SLC8A2: variants seen among roughly 807,000 people sequenced by gnomAD.
SLC8A2 encodes the protein solute carrier family 8 member A2.
In SLC8A2, 14 loss-of-function variants were observed where a neutral mutation model predicts 70.2. That is an observed-to-expected ratio of 0.20 (90% CI 0.13 to 0.31). SLC8A2 has a LOEUF of 0.31. Ranked by LOEUF, SLC8A2 falls within the 10% of genes least tolerant of loss-of-function variation. The pLI is 1.00. For missense variants in SLC8A2, 779 were observed against 1,320.1 expected (o/e 0.59, Z 6.35); for synonymous variants, 575 against 594.3 (o/e 0.97, Z 0.47).
chr19:47,469,861 G>T lies in SLC8A2; in HGVS notation c.-17+1928C>A, dbSNP rs573624945. On this transcript the variant is annotated intron_variant, in intron 1 of 9. Transcript: ENST00000236877. ...GGGCCATCTCTCCCTCCCTTCGTGG[G>T]CGTGCGGCCAGCTGGGTCGGCAGTG... is the stretch of plus-strand genomic sequence containing the variant. Among the ~76,000 whole-genome samples, 9 of 152,350 alleles carry T rather than the reference G, an allele frequency of 5.9e-5. No homozygotes were observed. In the South Asian group the frequency reaches 1.9e-3, roughly 32 times the overall value.
At chr19:47,438,111 C>T in intron 6 of SLC8A2, 138 bp from the exon 7 acceptor site, 1 of 1,014,848 alleles carries the variant, frequency 9.9e-7, no homozygotes, top group South Asian at 1.6e-5. Context: ...TCCTCCCAGC[C>T]TCCCACCTGA....
At chr19:47,453,166 G>A (rs1967265034) in intron 3 of SLC8A2, among the ~76,000 whole-genome samples, 1 of 152,214 alleles carries the variant, frequency 6.6e-6, no homozygotes, top group South Asian at 2.1e-4. Context: ...CAGAGATCAC[G>A]TTTAGTTTGG....
chr19:47,466,562 A>T lies in SLC8A2; in HGVS notation c.-16-143T>A. The T allele has an allele frequency of 3.7e-6, 2 of 537,100 alleles. No homozygotes were observed. The highest frequency in any genetic ancestry group is 6.5e-6 in the Non-Finnish European group (2 of 307,156). The allele number at this position is 537,100 out of a possible 1,614,324, so 33.3% of individuals were successfully genotyped here. A position where few individuals can be genotyped will look rare whatever the true frequency, so the allele number is the denominator to read the frequency against. ...GATGGGGACTGAGGGCGACAGAGACACAGAGAGTGACAGACAGAGACCCAC... is the reference window on the plus strand; with the variant it reads ...GATGGGGACTGAGGGCGACAGAGACTCAGAGAGTGACAGACAGAGACCCAC... On this transcript the variant is annotated intron_variant, in intron 1 of 9. Transcript: ENST00000236877. This position sits in a 1 kb window ranked among gnomAD's most constrained non-coding sequence, Gnocchi z 6.9.
intron 4 of SLC8A2, among the ~76,000 whole-genome samples, chr19:47,443,967 C>T (rs1967129011): frequency 6.6e-6 from 1 of 152,078 alleles, no homozygotes; most frequent in Non-Finnish European, 1.5e-5. Context: ...ATAATCATGG[C>T]TCACTGCAGC....
chr19:47,464,236 C>T (rs993791910), intron 2 of SLC8A2, among the ~76,000 whole-genome samples: 1 of 152,100 alleles, frequency 6.6e-6, no homozygotes, highest in Non-Finnish European at 1.5e-5. Context: ...TTCAGCCTCC[C>T]GAGTAGCTGG....
Position 47,465,717 on chromosome 19 carries a change from G to A in SLC8A2, c.675+12C>T, listed in dbSNP as rs566374802. 165 of 1,597,820 alleles carry A rather than the reference G, an allele frequency of 1.0e-4. 2 individuals are homozygous for A. The South Asian group carries it at 1.5e-3, about 15-fold the overall frequency. The stretch of plus-strand genomic sequence containing the variant: ...ACATGCACCAAGAAAGCATCTATGC[G>A]TCTTTGCTCACCTGGACCACACCGG... On this transcript the variant is annotated intron_variant, in intron 2 of 9. Coordinates refer to ENST00000236877, the MANE Select transcript of SLC8A2 (RefSeq NM_015063.3). This position sits in a 1 kb window ranked among gnomAD's most constrained non-coding sequence, Gnocchi z 5.5.
At chr19:47,446,828 C>A (rs753824823) in intron 4 of SLC8A2, among the ~76,000 whole-genome samples, 6 of 145,130 alleles carry the variant, frequency 4.1e-5, no homozygotes, top group Non-Finnish European at 7.7e-5. Flanking sequence ...GTGTTGACCA[C>A]CACGCCTGGC....
Position 47,468,320 on chromosome 19 carries a change from G to A in SLC8A2, c.-16-1901C>T, listed in dbSNP as rs1199057835. Among the ~76,000 whole-genome samples the A allele has an allele frequency of 3.9e-5, 6 of 152,024 alleles. No individual in the cohort carries two copies. The highest frequency in any genetic ancestry group is 1.9e-4 in the East Asian group (1 of 5,184). ...TTCTCTATTTATGTATTTTTGAGAC[G>A]GGATCTCACTCTGCCACCCAGGCTG... On this transcript the variant is annotated intron_variant, in intron 1 of 9. Transcript: ENST00000236877. This position sits in a 1 kb window ranked among gnomAD's most constrained non-coding sequence, Gnocchi z 5.1.
chr19:47,446,474 G>C (rs765866614), intron 4 of SLC8A2, among the ~76,000 whole-genome samples: 6 of 152,268 alleles, frequency 3.9e-5, no homozygotes, highest in Non-Finnish European at 5.9e-5. Flanking sequence ...TGTCGCCCAG[G>C]CTGGAGTGCA....
intron 3 of SLC8A2, among the ~76,000 whole-genome samples, chr19:47,453,141 G>A (rs950432632): frequency 1.3e-5 from 2 of 152,228 alleles, no homozygotes; most frequent in African/African-American, 4.8e-5. Flanking sequence ...GAAAAACTGT[G>A]CTGTTTAGGG....
chr19:47,464,466 T>A (rs1486167040), intron 2 of SLC8A2, among the ~76,000 whole-genome samples: 1 of 152,158 alleles, frequency 6.6e-6, no homozygotes. Context: ...AACAGCACCT[T>A]AAACTGTACG....
chr19:47,466,396 G>A lies in SLC8A2; in HGVS notation c.8C>T (p.Pro3Leu). MA[P>L]LALVGVTLLL... ...GAGTGTGACCCCCACCAAGGCCAGG[G>A]GAGCCATGGGGGGTGGTGGGGTCCT... The change falls in exon 2 of 10, where the codon CCC becomes CTC. Residue 3 changes from proline to leucine, a missense_variant. This residue lies in a region of SLC8A2 where 65 missense variants were observed against 61.3 expected (regional missense o/e 1.06). Transcript: ENST00000236877. This position sits in a 1 kb window ranked among gnomAD's most constrained non-coding sequence, Gnocchi z 6.9. 1.4e-6 allele frequency: 2 copies of A among 1,405,442 alleles called. No homozygotes were observed. Among genetic ancestry groups the A allele is most frequent in the East Asian group, 2.5e-5 (1 of 39,894 alleles). 87.1% of individuals were successfully genotyped at this position (1,405,442 alleles called of 1,614,324 possible).
chr19:47,437,928 C>T lies in SLC8A2; in HGVS notation c.1931G>A (p.Arg644Lys). ...KLTAEEEEAR[R>K]IAEMGKPVLG... ...AACTGGCTTGCCCATCTCTGCTATC[C>T]TCCGAGCCTCCTCCTCCTCGGCTGT... is the stretch of plus-strand genomic sequence containing the variant. The change falls in exon 7 of 10, where the codon AGG (arginine) becomes AAG (lysine). Residue 644 changes from arginine to lysine, a missense_variant. Coordinates refer to ENST00000236877, the MANE Select transcript of SLC8A2 (RefSeq NM_015063.3). The T allele has an allele frequency of 6.2e-7, 1 of 1,614,134 alleles. No homozygotes were observed. Among genetic ancestry groups the T allele is most frequent in the Non-Finnish European group, 8.5e-7 (1 of 1,180,012 alleles).
chr19:47,432,536 C>A lies in SLC8A2; in HGVS notation c.2111-91G>T. The A allele has an allele frequency of 7.8e-7, 1 of 1,281,854 alleles. No individual in the cohort carries two copies. The highest frequency in any genetic ancestry group is 1.5e-5 in the South Asian group (1 of 68,880). The allele number at this position is 1,281,854 out of a possible 1,614,324, so 79.4% of individuals were successfully genotyped here. ...TTTGTCTAACTTCCTGACAGCAAGT[C>A]CCATTGAATGAACTTCTTTCCCAGA... On this transcript the variant is annotated intron_variant, in intron 8 of 9. Coordinates refer to ENST00000236877, the MANE Select transcript of SLC8A2 (RefSeq NM_015063.3). This position sits in a 1 kb window ranked among gnomAD's most constrained non-coding sequence, Gnocchi z 6.2.
chr19:47,471,343 G>A (rs1967536596), intron 1 of SLC8A2, among the ~76,000 whole-genome samples: 1 of 152,012 alleles, frequency 6.6e-6, no homozygotes, highest in African/African-American at 2.4e-5. Flanking sequence ...AACAGACCCC[G>A]GCACAGAGAC....
Position 47,457,478 on chromosome 19 carries a change from T to C in SLC8A2, c.792A>G (p.Pro264=). 6.2e-7 allele frequency: 1 copy of C among 1,609,912 alleles called. No individual in the cohort carries two copies. Among genetic ancestry groups the C allele is most frequent in the Non-Finnish European group, 8.5e-7 (1 of 1,178,732 alleles). The part of the protein sequence containing the change: ...KYVYKRYRTD[P]RSGIIIGAEG... ...CGGCGCCTATGATGATGCCGCTGCG[T>C]GGGTCGGTGCGGTAGCGCTTGTACA... Residue 264 remains proline (P), a synonymous_variant, in exon 3 of 10, where the codon CCA becomes CCG. Transcript: ENST00000236877.
Position 47,452,421 on chromosome 19 carries a change from AGAGAGAGAGAGAGAGAGAGAGAGAGT to A in SLC8A2, c.1341-4216_1341-4191del, listed in dbSNP as rs1266487871. The stretch of plus-strand genomic sequence containing the variant: ...TGGAGAGAGAGAGAGAGAGAGAGAG[AGAGAGAGAGAGAGAGAGAGAGAGAGT>A]GTGTGTGTGTGTGTGTGTGTGTGTG... On this transcript the variant is annotated intron_variant, in intron 3 of 9. Transcript: ENST00000236877. 1.0e-4 allele frequency among the ~76,000 whole-genome samples: 12 copies of A among 117,430 alleles called. No individual in the cohort carries two copies. The South Asian group carries it at 1.2e-3, about 12-fold the overall frequency. The allele number at this position is 117,430 out of a possible 152,430, so 77.0% of individuals were successfully genotyped here.
chr19:47,433,387 A>G (rs1184067872), intron 8 of SLC8A2, among the ~76,000 whole-genome samples: 1 of 152,078 alleles, frequency 6.6e-6, no homozygotes, highest in Non-Finnish European at 1.5e-5. Context: ...AGATAAAAAT[A>G]TGGTATTCAC....
rs1019931042 is a variant in SLC8A2, at chr19:47,447,521, T to G, written c.1763+288A>C. Reference sequence around the variant, plus strand: ...GCCCACGTGGTAGACACAGCACACCTAGGCCCCGCCCCTCCCGAGGCCAAG... The same window carrying G: ...GCCCACGTGGTAGACACAGCACACCGAGGCCCCGCCCCTCCCGAGGCCAAG... On this transcript the variant is annotated intron_variant, in intron 4 of 9. Coordinates refer to ENST00000236877, the MANE Select transcript of SLC8A2 (RefSeq NM_015063.3). The surrounding 1 kb of genome is among the most constrained non-coding windows in gnomAD (Gnocchi z 5.1). 16 of 460,388 alleles carry G rather than the reference T, an allele frequency of 3.5e-5. No individual in the cohort carries two copies. In the East Asian group the frequency reaches 6.7e-4, roughly 19 times the overall value. 28.5% of individuals were successfully genotyped at this position (460,388 alleles called of 1,614,324 possible). A position where few individuals can be genotyped will look rare whatever the true frequency, so the allele number is the denominator to read the frequency against.
Sources: gnomAD v4.1 joint callset for allele counts (sites outside exome capture counted in the v4.1 genomes callset) on GRCh38, gnomAD v4.1.1 for gene constraint, gnomAD v4.1.1 regional missense constraint, Gnocchi (gnomAD v3.1) non-coding constraint, MANE v1.5 for transcripts, NCBI Gene and HGNC (gene_info 2026-07-23, HGNC 2026-07-21) for gene names.